Variants in DAB1 observed in about 807,000 individuals in gnomAD.
The protein encoded by DAB1 is DAB adaptor protein 1.
In DAB1, 15 loss-of-function variants were observed where a neutral mutation model predicts 64.6. That is an observed-to-expected ratio of 0.23 (90% confidence interval 0.16 to 0.36). DAB1 has a LOEUF of 0.36. Among genes scored for constraint, DAB1 ranks in the 10% least tolerant of loss-of-function variants. The pLI is 1.00. For missense variants in DAB1, 596 were observed against 706.7 expected, an observed-to-expected ratio of 0.84 and a Z score of 1.78; for synonymous variants, 235 against 251.9, an observed-to-expected ratio of 0.93 and a Z score of 0.64.
At chr1:57,593,147 T>C (rs953878674) in intron 7 of DAB1, among the ~76,000 whole-genome samples, 1 of 152,208 alleles carries the variant, frequency 6.6e-6, no homozygotes, top group Non-Finnish European at 1.5e-5. Context: ...TGGAAAATAA[T>C]GTACCATTCC....
intron 3 of DAB1, among the ~76,000 whole-genome samples, chr1:58,489,451 G>A (rs1358849938): frequency 1.6e-4 from 25 of 152,322 alleles, no homozygotes; most frequent in Admixed American, 1.0e-3. Context: ...TGGGAAGCTC[G>A]AACTGGGTGG....
intron 9 of DAB1, among the ~76,000 whole-genome samples, chr1:57,039,237 T>G (rs1480228539): frequency 6.6e-6 from 1 of 152,132 alleles, no homozygotes; most frequent in Non-Finnish European, 1.5e-5. Flanking sequence ...GCTTACAATG[T>G]GGGCTTGCAG....
intron 2 of DAB1, among the ~76,000 whole-genome samples, chr1:58,525,637 G>A (rs55712302): frequency 0.12 from 17,688 of 152,038 alleles, 1,226 homozygotes; most frequent in African/African-American, 0.18. Flanking sequence ...CTAGTCAAGT[G>A]TCCCCAAATT....
Position 57,071,658 on chromosome 1 carries a change from T to C in DAB1, c.439-17A>G, listed in dbSNP as rs147565532. On this transcript the variant is annotated splice_polypyrimidine_tract_variant and intron_variant, in intron 5 of 14. Coordinates refer to ENST00000371236, the MANE Select transcript of DAB1 (RefSeq NM_001365792.1). ...AGGTTCAGCCTGGGATGAAAGGTAG[T>C]AAGGCACATCATAAGGGAATGGTAC... 1,459 of 1,611,682 alleles carry C rather than the reference T, an allele frequency of 9.1e-4. 10 individuals carry two copies. In the African/African-American group the frequency reaches 0.018, roughly 20 times the overall value.
At chr1:57,250,051 A>G (rs1669205813) in intron 2 of DAB1, among the ~76,000 whole-genome samples, 1 of 152,208 alleles carries the variant, frequency 6.6e-6, no homozygotes, top group Non-Finnish European at 1.5e-5. Flanking sequence ...GGACTGGCAC[A>G]CAAATAATTC....
intron 6 of DAB1, among the ~76,000 whole-genome samples, chr1:57,726,043 C>T (rs772934079): frequency 2.6e-5 from 4 of 152,182 alleles, no homozygotes; most frequent in African/African-American, 7.2e-5. Context: ...TGGGAGCCAC[C>T]GTGCCCGGCC....
chr1:57,420,046 A>G (rs1431741749), intron 1 of DAB1, among the ~76,000 whole-genome samples: 1 of 152,248 alleles, frequency 6.6e-6, no homozygotes, highest in African/African-American at 2.4e-5. Flanking sequence ...ATAGATGTGA[A>G]CCAATACTAA....
intron 7 of DAB1, among the ~76,000 whole-genome samples, chr1:57,436,976 C>G (rs1475467692): frequency 7.2e-6 from 1 of 139,818 alleles, no homozygotes; most frequent in Non-Finnish European, 1.5e-5. Flanking sequence ...TGCAGTGAGC[C>G]TAGATCACAC....
chr1:57,199,187 T>G (rs1487257956), intron 2 of DAB1, among the ~76,000 whole-genome samples: 1 of 152,066 alleles, frequency 6.6e-6, no homozygotes, highest in Admixed American at 6.6e-5. Flanking sequence ...TGTTAAGGAG[T>G]CCACTTGGAA....
chr1:58,089,493 T>C (rs986037933), intron 5 of DAB1, among the ~76,000 whole-genome samples: 1 of 152,250 alleles, frequency 6.6e-6, no homozygotes, highest in African/African-American at 2.4e-5. Flanking sequence ...AGAAGAAGGA[T>C]GGACCCTCAA....
intron 3 of DAB1, among the ~76,000 whole-genome samples, chr1:58,373,626 T>G (rs920257406): frequency 2.7e-4 from 41 of 152,164 alleles, no homozygotes; most frequent in Non-Finnish European, 2.9e-5. Context: ...AATGCCGCAA[T>G]AAACATACGT....
At position 58,379,844 on chromosome 1, in the gene DAB1, T is replaced by G. The variant is rs114191597; in HGVS notation, n.258-36441A>C. ...GCAGAGGTCACAAATTGTCCCCCAGTATTTTTCTCCCCATCTTCTTTTTTA... is the reference window on the plus strand; with the variant it reads ...GCAGAGGTCACAAATTGTCCCCCAGGATTTTTCTCCCCATCTTCTTTTTTA... On this transcript the variant is annotated intron_variant and non_coding_transcript_variant, in intron 3 of 20. Transcript: ENST00000485760. Among the ~76,000 whole-genome samples the G allele has an allele frequency of 6.7e-3, 1,017 of 152,332 alleles. 13 individuals carry two copies. The highest frequency in any genetic ancestry group is 0.023 in the African/African-American group (946 of 41,574).
At chr1:57,269,883 G>A (rs1187804509) in intron 2 of DAB1, among the ~76,000 whole-genome samples, 1 of 152,116 alleles carries the variant, frequency 6.6e-6, no homozygotes, top group Non-Finnish European at 1.5e-5. Flanking sequence ...TCCTGTGACT[G>A]AGACAAGATC....
chr1:57,937,508 G>A (rs1007030003), intron 5 of DAB1, among the ~76,000 whole-genome samples: 4 of 152,080 alleles, frequency 2.6e-5, no homozygotes, highest in African/African-American at 9.7e-5. Flanking sequence ...AGCTACCAAG[G>A]GAGGCAAGTG....
chr1:58,149,146 C>A (rs1263453562), intron 5 of DAB1, among the ~76,000 whole-genome samples: 1 of 152,116 alleles, frequency 6.6e-6, no homozygotes, highest in East Asian at 1.9e-4. Context: ...CTAAAAGTTT[C>A]TTGTCTACTT....
intron 7 of DAB1, among the ~76,000 whole-genome samples, chr1:57,616,143 C>T (rs746458316): frequency 1.3e-5 from 2 of 152,116 alleles, no homozygotes; most frequent in African/African-American, 4.8e-5. Context: ...CTGGACACCC[C>T]GACATTTCCT....
chr1:57,192,533 C>G (rs1170614230), intron 2 of DAB1, among the ~76,000 whole-genome samples: 2 of 152,134 alleles, frequency 1.3e-5, no homozygotes, highest in Non-Finnish European at 1.5e-5. Context: ...AGGGTTCAGT[C>G]AAGGGTGAAC....
chr1:57,209,371 G>A (rs1477472784), intron 2 of DAB1, among the ~76,000 whole-genome samples: 6 of 152,224 alleles, frequency 3.9e-5, no homozygotes, highest in Non-Finnish European at 8.8e-5. Context: ...CTGCTGCAAA[G>A]ACAGTTAAAT....
intron 4 of DAB1, among the ~76,000 whole-genome samples, chr1:58,156,582 T>G (rs1655239248): frequency 6.6e-6 from 1 of 152,182 alleles, no homozygotes. Flanking sequence ...GAGTGGACTC[T>G]GGGTGCATGG....
Sources: allele counts gnomAD v4.1 joint callset (sites outside exome capture counted in the v4.1 genomes callset), GRCh38; gene constraint gnomAD v4.1.1; transcripts MANE v1.5; gene names NCBI Gene and HGNC (gene_info 2026-07-23, HGNC 2026-07-21).